The following SNTG1 variants were observed in gnomAD, a reference collection of about 807,000 sequenced individuals.
The protein encoded by SNTG1 is syntrophin gamma 1.
A neutral mutation model predicts 74.7 loss-of-function variants in SNTG1; 39 were observed. That is an observed-to-expected ratio of 0.52 (90% CI 0.40 to 0.68). SNTG1 has a LOEUF of 0.68. Among genes scored for constraint, SNTG1 ranks in the 30% least tolerant of loss-of-function variants. The pLI is 0.00. For synonymous variants in SNTG1, 254 were observed against 217.1 expected, an observed-to-expected ratio of 1.17 and a Z score of -1.49; for missense variants, 685 against 609.5, an observed-to-expected ratio of 1.12 and a Z score of -1.30.
intron 2 of SNTG1, among the ~76,000 whole-genome samples, chr8:50,309,179 G>T (rs999367304): frequency 6.6e-6 from 1 of 152,008 alleles, no homozygotes; most frequent in African/African-American, 2.4e-5. Context: ...ACAAGCTTTT[G>T]GTTATTGTTA....
rs1208222129 is a variant in SNTG1 at position 49,911,569 on chromosome 8, A to G, written c.-765A>G. 1 of 103,676 alleles carries G rather than the reference A, an allele frequency of 9.6e-6. No individual in the cohort carries two copies. Among genetic ancestry groups the G allele is most frequent in the Non-Finnish European group, 2.4e-5 (1 of 42,536 alleles). The allele number at this position is 103,676 out of a possible 1,614,324, so 6.4% of individuals were successfully genotyped here. A position where few individuals can be genotyped will look rare whatever the true frequency, so the allele number is the denominator to read the frequency against. On this transcript the variant is annotated 5_prime_UTR_variant, in exon 1 of 19. Transcript: ENST00000642720. ...GCCCCTACAAAAAAAAAAAAGAAAG[A>G]AAAAAGAAAAAAAAAAGAACCGGAG...
intron 8 of SNTG1, among the ~76,000 whole-genome samples, chr8:50,480,565 T>G (rs1254577824): frequency 6.6e-6 from 1 of 152,160 alleles, no homozygotes; most frequent in East Asian, 1.9e-4. Context: ...TGCTAACTAG[T>G]GCTGAAATAA....
At chr8:50,277,998 A>G (rs1441801356) in intron 2 of SNTG1, among the ~76,000 whole-genome samples, 5 of 152,024 alleles carry the variant, frequency 3.3e-5, no homozygotes, top group Non-Finnish European at 7.4e-5. Flanking sequence ...ACATGGTGAA[A>G]CCCAGCTGTA....
intron 1 of SNTG1, among the ~76,000 whole-genome samples, chr8:50,078,083 C>A (rs1238678377): frequency 6.6e-6 from 1 of 152,088 alleles, no homozygotes; most frequent in Admixed American, 6.6e-5. Context: ...TGAAAATCAC[C>A]TAAAAATAAA....
rs200324448 is a variant in SNTG1 at position 50,354,264 on chromosome 8, G to A, written c.-27-39948G>A. ...TTTATGTCTGGAGCAAATAGTCACA[G>A]ATCTACCTTTTTATTAAAAGGTGCT... On this transcript the variant is annotated intron_variant, in intron 2 of 18. Coordinates refer to ENST00000642720, the MANE Select transcript of SNTG1 (RefSeq NM_018967.5). 2.0e-5 allele frequency among the ~76,000 whole-genome samples: 3 copies of A among 152,296 alleles called. No individual in the cohort carries two copies. In the East Asian group the frequency reaches 5.8e-4, roughly 29 times the overall value.
intron 2 of SNTG1, among the ~76,000 whole-genome samples, chr8:50,195,719 C>A (rs948082074): frequency 1.3e-5 from 2 of 152,162 alleles, no homozygotes; most frequent in African/African-American, 2.4e-5. Context: ...AGCTTTTCCA[C>A]TGGGGGTGTG....
intron 18 of SNTG1, among the ~76,000 whole-genome samples, chr8:50,752,384 T>A (rs2095569763): frequency 6.6e-6 from 1 of 152,026 alleles, no homozygotes; most frequent in Admixed American, 6.6e-5. Context: ...TAAAATAACA[T>A]CCTGGGAACT....
chr8:49,938,603 T>TTTCTTTTCTTTCTTTCTTTCTTTC (rs10629764), intron 1 of SNTG1, among the ~76,000 whole-genome samples: 13 of 74,752 alleles, frequency 1.7e-4, no homozygotes, highest in African/African-American at 4.5e-4. Context: ...TTTTCTTTTC[T>TTTCTTTTCTTTCTTTCTTTCTTTC]TTTCTTTCTT....
chr8:50,379,254 G>T (rs2092440946), intron 2 of SNTG1, among the ~76,000 whole-genome samples: 1 of 152,172 alleles, frequency 6.6e-6, no homozygotes, highest in Non-Finnish European at 1.5e-5. Flanking sequence ...TTTGCTCCGA[G>T]ATCAGAGTAA....
intron 2 of SNTG1, among the ~76,000 whole-genome samples, chr8:50,213,395 T>C (rs1330033612): frequency 2.6e-5 from 4 of 152,218 alleles, no homozygotes; most frequent in Non-Finnish European, 5.9e-5. Flanking sequence ...ATGTAGGCTA[T>C]GTCATACCAC....
At chr8:50,685,238 T>A (rs983224509) in intron 15 of SNTG1, among the ~76,000 whole-genome samples, 3 of 152,048 alleles carry the variant, frequency 2.0e-5, no homozygotes, top group Non-Finnish European at 2.9e-5. Context: ...CTCCAAGAGA[T>A]TGGTTAATGT....
chr8:50,333,863 G>T (rs943944833), intron 2 of SNTG1, among the ~76,000 whole-genome samples: 1 of 152,102 alleles, frequency 6.6e-6, no homozygotes, highest in African/African-American at 2.4e-5. Context: ...TAATTCTTAG[G>T]ACAAATGAAA....
intron 15 of SNTG1, among the ~76,000 whole-genome samples, chr8:50,660,430 A>C (rs6989813): frequency 2.3e-5 from 1 of 43,288 alleles, no homozygotes; most frequent in African/African-American, 2.0e-4. Flanking sequence ...AAGAAAGAAG[A>C]AAGAAAGAAA....
chr8:50,362,586 C>T (rs1025915632), intron 2 of SNTG1, among the ~76,000 whole-genome samples: 3 of 151,514 alleles, frequency 2.0e-5, no homozygotes, highest in South Asian at 4.2e-4. Context: ...CAAACTAAAT[C>T]CCTTTAAAAT....
intron 12 of SNTG1, among the ~76,000 whole-genome samples, chr8:50,555,530 C>A (rs867260075): frequency 1.2e-4 from 18 of 152,044 alleles, no homozygotes; most frequent in African/African-American, 4.4e-4. Context: ...AGTTAGATAT[C>A]AGTTCTACTT....
chr8:50,101,382 T>G (rs1417596776), intron 1 of SNTG1, among the ~76,000 whole-genome samples: 1 of 152,106 alleles, frequency 6.6e-6, no homozygotes, highest in Non-Finnish European at 1.5e-5. Flanking sequence ...GCTGAACTAA[T>G]TTGCATTCCC....
rs565922931 is a variant in SNTG1 at position 50,038,765 on chromosome 8, AAG to A, written c.-103+126536_-103+126537del. On this transcript the variant is annotated intron_variant, in intron 1 of 18. Transcript: ENST00000642720. ...AGTCAGATCTACTGACACAGATATA[AAG>A]ACAGTGCTGATCGCACATTTGATGC... Among the ~76,000 whole-genome samples, 141 of 152,296 alleles carry A rather than the reference AAG, an allele frequency of 9.3e-4. 1 individual carries two copies. Among genetic ancestry groups the A allele is most frequent in the African/African-American group, 3.2e-3 (135 of 41,572 alleles).
chr8:50,361,145 C>G (rs2091944060), intron 2 of SNTG1, among the ~76,000 whole-genome samples: 1 of 151,650 alleles, frequency 6.6e-6, no homozygotes, highest in African/African-American at 2.4e-5. Flanking sequence ...AACTTTTTTG[C>G]TTTTTAAAAT....
intron 12 of SNTG1, among the ~76,000 whole-genome samples, chr8:50,570,958 G>A (rs1239392571): frequency 6.6e-6 from 1 of 151,910 alleles, no homozygotes; most frequent in East Asian, 1.9e-4. Context: ...GTAGTTGCAC[G>A]AATTTACACT....
Sources: gnomAD v4.1 joint callset for allele counts (sites outside exome capture counted in the v4.1 genomes callset) on GRCh38, gnomAD v4.1.1 for gene constraint, MANE v1.5 for transcripts, NCBI Gene and HGNC (gene_info 2026-07-23, HGNC 2026-07-21) for gene names.